Variants in FAM161B observed in about 807,000 individuals in gnomAD.
The protein encoded by FAM161B is protein FAM161B.
In FAM161B, 46 loss-of-function variants were observed where a neutral mutation model predicts 61.5. The ratio of observed to expected loss-of-function variants is 0.75; its 90% CI spans 0.59 to 0.96. The LOEUF (loss-of-function observed/expected upper bound fraction) is 0.96. Among genes scored for constraint, FAM161B ranks in the 40% least tolerant of loss-of-function variants. The pLI is 0.00. For synonymous variants in FAM161B, 284 were observed against 302.7 expected (o/e 0.94, Z 0.64); for missense variants, 774 against 800.7 (o/e 0.97, Z 0.40).
intron 7 of FAM161B, 36 bp downstream of exon 7, chr14:73,937,566 A>G: frequency 6.3e-7 from 1 of 1,579,408 alleles, no homozygotes; most frequent in South Asian, 1.2e-5. Flanking sequence ...CCTTTTATCT[A>G]AGGCAGAAAG....
intron 3 of FAM161B, 76 bp from the exon 4 acceptor site, chr14:73,942,791 T>C: frequency 7.5e-7 from 1 of 1,337,200 alleles, no homozygotes; most frequent in Non-Finnish European, 1.0e-6. Flanking sequence ...TTCCCTCTTT[T>C]ACACACTAGC....
chr14:73,923,545 G>A, the FAM161B span: 7 of 1,601,710 alleles, frequency 4.4e-6, no homozygotes, highest in Non-Finnish European at 5.1e-6. Context: ...CTTGCCCTTT[G>A]TTTCTGTGAC....
rs758572675 is a variant in FAM161B at position 73,942,487 on chromosome 14, C to T, written c.1154G>A (p.Arg385Lys). ...YEGLYKAFQR[R>K]AAKRRETQEA... is the part of the protein sequence containing the mutation. ...TTGGGTTTCTCTTCTTTTGGCTGCTCTTCTCTGGAAGGCCTTGTAAAGGCC... is the reference window on the plus strand; with the variant it reads ...TTGGGTTTCTCTTCTTTTGGCTGCTTTTCTCTGGAAGGCCTTGTAAAGGCC... Residue 385 changes from arginine to lysine, a missense_variant, in exon 4 of 9, where the codon AGA becomes AAA. Transcript: ENST00000286544. The T allele has an allele frequency of 1.9e-6, 3 of 1,614,072 alleles. No homozygotes were observed. Among genetic ancestry groups the T allele is most frequent in the African/African-American group, 2.7e-5 (2 of 74,940 alleles).
chr14:73,941,126 T>C, intron 4 of FAM161B, 73 bp from the exon 5 acceptor site: 1 of 1,456,000 alleles, frequency 6.9e-7, no homozygotes, highest in South Asian at 1.2e-5. Context: ...TTTTTTTTTT[T>C]TTTTGAGACA....
intron 7 of FAM161B, 94 bp downstream of exon 7, chr14:73,937,507 GA>G: frequency 8.3e-7 from 1 of 1,202,968 alleles, no homozygotes; most frequent in Non-Finnish European, 1.2e-6. Context: ...GGGCCTCAAG[GA>G]AAATTTTAAT....
chr14:73,944,977 G>T, intron 2 of FAM161B, 92 bp from the exon 3 acceptor site: 1 of 1,119,028 alleles, frequency 8.9e-7, no homozygotes, highest in Non-Finnish European at 1.2e-6. Flanking sequence ...CTTCCCACTG[G>T]TCACAGCTGG....
chr14:73,927,198 G>A, downstream of FAM161B: 1 of 253,618 alleles, frequency 3.9e-6, no homozygotes, highest in South Asian at 3.2e-5. Context: ...CGGTTCTTCT[G>A]CCTCAGCCTC....
rs532669010 is a variant in FAM161B, at chr14:73,938,291, T to A, written c.1401-179A>T. On this transcript the variant is annotated intron_variant, in intron 5 of 8. Transcript: ENST00000286544. The stretch of plus-strand genomic sequence containing the variant: ...CTGGCCAATACGGTGAAACCCCAGC[T>A]CTACTAAAAATACAAAAATTAGCTG... Among the ~76,000 whole-genome samples, 9 of 151,902 alleles carry A rather than the reference T, an allele frequency of 5.9e-5. No homozygotes were observed. In the South Asian group the frequency reaches 1.7e-3, roughly 28 times the overall value.
At chr14:73,928,780 C>CA (rs889179039), downstream of FAM161B, among the ~76,000 whole-genome samples, 1 of 152,018 alleles carries the variant, frequency 6.6e-6, no homozygotes, top group Non-Finnish European at 1.5e-5. Flanking sequence ...CCTGTCTCTA[C>CA]AAAAAGTTTT....
intron 3 of FAM161B, among the ~76,000 whole-genome samples, chr14:73,943,854 C>T (rs913090436): frequency 6.9e-6 from 1 of 145,348 alleles, no homozygotes; most frequent in South Asian, 2.2e-4. Context: ...CACATGCTAC[C>T]GAAAAGTGAA....
intron 2 of FAM161B, 136 bp downstream of exon 2, chr14:73,946,150 A>G (rs1235162312): frequency 2.2e-6 from 2 of 890,766 alleles, no homozygotes; most frequent in Non-Finnish European, 3.3e-6. Context: ...CCAAAAGCTG[A>G]TTCTCAGCTA....
intron 5 of FAM161B, among the ~76,000 whole-genome samples, chr14:73,940,208 C>G (rs7159394): frequency 0.077 from 11,728 of 152,158 alleles, 677 homozygotes; most frequent in African/African-American, 0.17. Context: ...GTGGAAGAAC[C>G]CTTGCTGGGG....
rs1242229558 is a variant in FAM161B at position 73,942,678 on chromosome 14, T to G, written c.963A>C (p.Arg321Ser). The G allele has an allele frequency of 6.2e-7, 1 of 1,613,766 alleles. No homozygotes were observed. The highest frequency in any genetic ancestry group is 8.5e-7 in the Non-Finnish European group (1 of 1,179,762). ...AGGCCATCTGGAGCATGTCCAGGGC[T>G]CTCATTTGGATGCGAATTTTCCTGA... The part of the protein sequence containing the change: ...ELFRKIRIQM[R>S]ALDMLQMASS... The change falls in exon 4 of 9, where the codon AGA (arginine) becomes AGC (serine). Residue 321 changes from arginine (R) to serine (S), a missense_variant. Physicochemically the swap from Arg to Ser is moderately radical, Grantham distance 110 (BLOSUM62 -1). Coordinates refer to ENST00000286544, the MANE Select transcript of FAM161B (RefSeq NM_152445.3).
At chr14:73,926,873 A>G (rs1161828447), downstream of FAM161B, among the ~76,000 whole-genome samples, 1 of 152,028 alleles carries the variant, frequency 6.6e-6, no homozygotes. Context: ...ATTAGATTCA[A>G]TTTTTCCCCC....
At position 73,946,532 on chromosome 14, in the gene FAM161B, C is replaced by G; in HGVS notation, c.128G>C (p.Arg43Thr). Reference protein sequence around the residue: ...ELSGDGLVLPRASKLDEFLSP... With the variant: ...ELSGDGLVLPTASKLDEFLSP... ...GAGGAACTCGTCAAGTTTGCTGGCC[C>G]TGGGCAAAACCAGCCCATCCCCGGA... Residue 43 changes from arginine (R) to threonine (T), a missense_variant, in exon 2 of 9, where the codon AGG becomes ACG. Coordinates refer to ENST00000286544, the MANE Select transcript of FAM161B (RefSeq NM_152445.3). 2.5e-6 allele frequency: 4 copies of G among 1,614,192 alleles called. No homozygotes were observed. Among genetic ancestry groups the G allele is most frequent in the Non-Finnish European group, 3.4e-6 (4 of 1,180,034 alleles).
At chr14:73,946,948 C>A (rs751484598) in intron 1 of FAM161B, among the ~76,000 whole-genome samples, 1 of 152,182 alleles carries the variant, frequency 6.6e-6, no homozygotes, top group Non-Finnish European at 1.5e-5. Flanking sequence ...CTGACCCCTG[C>A]ACTCCAGGAA....
rs762674229 is a variant in FAM161B at position 73,935,860 on chromosome 14, C to T, written c.1805+89G>A. Reference sequence around the variant, plus strand: ...AATACAGGATTATGATCTCAAAATACCAGTGGCTATTCTAAAGTTTCCTCC... The same window carrying T: ...AATACAGGATTATGATCTCAAAATATCAGTGGCTATTCTAAAGTTTCCTCC... On this transcript the variant is annotated intron_variant, in intron 8 of 8. Transcript: ENST00000286544. 2.0e-4 allele frequency: 274 copies of T among 1,392,710 alleles called. 1 individual carries two copies. Among genetic ancestry groups the T allele is most frequent in the Non-Finnish European group, 2.5e-4 (260 of 1,035,916 alleles). The allele number at this position is 1,392,710 out of a possible 1,614,324, so 86.3% of individuals were successfully genotyped here. A position where few individuals can be genotyped will look rare whatever the true frequency, so the allele number is the denominator to read the frequency against.
In FAM161B at chr14:73,944,897, G is replaced by A; in HGVS notation, c.375-12C>T. 2 of 1,503,794 alleles carry A rather than the reference G, an allele frequency of 1.3e-6. No individual in the cohort carries two copies. Among genetic ancestry groups the A allele is most frequent in the Non-Finnish European group, 1.8e-6 (2 of 1,129,786 alleles). 93.2% of individuals were successfully genotyped at this position (1,503,794 alleles called of 1,614,324 possible). On this transcript the variant is annotated splice_polypyrimidine_tract_variant and intron_variant, in intron 2 of 8. Coordinates refer to ENST00000286544, the MANE Select transcript of FAM161B (RefSeq NM_152445.3). ...TTGTGGAGCCACACCTGGGAAAAAA[G>A]CAGATCTGTGAGTGGAGGACAGGGC... is the stretch of plus-strand genomic sequence containing the variant.
chr14:73,945,985 G>A (rs1236370456), intron 2 of FAM161B, among the ~76,000 whole-genome samples: 2 of 151,938 alleles, frequency 1.3e-5, no homozygotes, highest in African/African-American at 4.8e-5. Context: ...CAAGTGATCC[G>A]CCTGCCTCAG....
Sources: gnomAD v4.1 joint callset for allele counts (sites outside exome capture counted in the v4.1 genomes callset) on GRCh38, gnomAD v4.1.1 for gene constraint, MANE v1.5 for transcripts, NCBI Gene and HGNC (gene_info 2026-07-23, HGNC 2026-07-21) for gene names.